The following KIRREL3 variants were observed in gnomAD, a reference collection of about 807,000 sequenced individuals.
KIRREL3 encodes kin of IRRE-like protein 3.
A neutral mutation model predicts 89.7 loss-of-function variants in KIRREL3; 36 were observed. That is an observed-to-expected ratio of 0.40 (90% confidence interval 0.31 to 0.53). KIRREL3 has a LOEUF of 0.53. Among genes scored for constraint, KIRREL3 ranks in the 20% least tolerant of loss-of-function variants. The pLI is 0.49. For synonymous variants in KIRREL3, 445 were observed against 441.4 expected, an observed-to-expected ratio of 1.01 and a Z score of -0.10; for missense variants, 864 against 1,056.6, an observed-to-expected ratio of 0.82 and a Z score of 2.53.
chr11:126,670,029 A>G (rs892308269), intron 1 of KIRREL3, among the ~76,000 whole-genome samples: 15 of 151,954 alleles, frequency 9.9e-5, no homozygotes, highest in African/African-American at 3.6e-4. Context: ...AGCACATTCC[A>G]CACACCAGCA....
At chr11:126,922,122 T>TCTGTCTAA in intron 1 of KIRREL3, among the ~76,000 whole-genome samples, 1 of 29,322 alleles carries the variant, frequency 3.4e-5, no homozygotes, top group African/African-American at 1.1e-4. Flanking sequence ...TATCTGTCTG[T>TCTGTCTAA]CTATCTATCT....
rs562111814 is a variant in KIRREL3 at position 126,943,825 on chromosome 11, C to T, written c.55+56630G>A. On this transcript the variant is annotated intron_variant, in intron 1 of 16. Transcript: ENST00000525144. The surrounding 1 kb of genome is among the most constrained non-coding windows in gnomAD (Gnocchi z 4.2). Reference sequence around the variant, plus strand: ...AATGAGAGAAAACAAAGTGAGGAAACGGCTAATCTCAAGGTTTAGGAGGTG... The same window carrying T: ...AATGAGAGAAAACAAAGTGAGGAAATGGCTAATCTCAAGGTTTAGGAGGTG... 1.6e-4 allele frequency among the ~76,000 whole-genome samples: 25 copies of T among 152,250 alleles called. No homozygotes were observed. Among genetic ancestry groups the T allele is most frequent in the Middle Eastern group, 3.4e-3 (1 of 294 alleles).
rs182061259 is a variant in KIRREL3, at chr11:126,542,016, G to A, written c.134-15329C>T. 1.8e-3 allele frequency among the ~76,000 whole-genome samples: 281 copies of A among 152,324 alleles called. 2 individuals carry two copies. Among genetic ancestry groups the A allele is most frequent in the African/African-American group, 6.4e-3 (268 of 41,574 alleles). Reference sequence around the variant, plus strand: ...GTCCTGCCCTCGGCAGCCCTGCAGCGGGCCCTCAGGACCCTCTGTGCAATG... The same window carrying A: ...GTCCTGCCCTCGGCAGCCCTGCAGCAGGCCCTCAGGACCCTCTGTGCAATG... On this transcript the variant is annotated intron_variant, in intron 2 of 16. Coordinates refer to ENST00000525144, the MANE Select transcript of KIRREL3 (RefSeq NM_032531.4).
intron 10 of KIRREL3, 129 bp from the exon 11 acceptor site, chr11:126,440,678 G>A (rs1955530048): frequency 1.2e-6 from 1 of 829,948 alleles, no homozygotes; most frequent in Non-Finnish European, 2.0e-6. Flanking sequence ...GCCTGTATGT[G>A]CAAGGTAAAG....
At position 126,563,337 on chromosome 11, in the gene KIRREL3, G is replaced by T. The variant is rs1009898825; in HGVS notation, c.56-425C>A. Among the ~76,000 whole-genome samples the T allele has an allele frequency of 2.6e-5, 4 of 152,204 alleles. No individual in the cohort carries two copies. Among genetic ancestry groups the T allele is most frequent in the Non-Finnish European group, 4.4e-5 (3 of 68,040 alleles). On this transcript the variant is annotated intron_variant, in intron 1 of 16. Coordinates refer to ENST00000525144, the MANE Select transcript of KIRREL3 (RefSeq NM_032531.4). This position sits in a 1 kb window ranked among gnomAD's most constrained non-coding sequence, Gnocchi z 6.8. ...TGGGACTGTGGCCAGACCTGCCAGGGATGATGCAGAATCTATCCAGTCGTG... is the reference window on the plus strand; with the variant it reads ...TGGGACTGTGGCCAGACCTGCCAGGTATGATGCAGAATCTATCCAGTCGTG...
At position 126,427,682 on chromosome 11, in the gene KIRREL3, T is replaced by C. The variant is rs1439929279; in HGVS notation, c.1806+1497A>G. Reference sequence around the variant, plus strand: ...GGAGCCCTGATGGCACACCAGGAAGTTGGGCTTTGTCCAGCAGATGTGGGG... The same window carrying C: ...GGAGCCCTGATGGCACACCAGGAAGCTGGGCTTTGTCCAGCAGATGTGGGG... On this transcript the variant is annotated intron_variant, in intron 15 of 16. Coordinates refer to ENST00000525144, the MANE Select transcript of KIRREL3 (RefSeq NM_032531.4). This position sits in a 1 kb window ranked among gnomAD's most constrained non-coding sequence, Gnocchi z 5.3. Among the ~76,000 whole-genome samples, 6 of 152,146 alleles carry C rather than the reference T, an allele frequency of 3.9e-5. No individual in the cohort carries two copies. In the East Asian group the frequency reaches 1.2e-3, roughly 29 times the overall value.
rs1418223531 is a variant in KIRREL3 at position 126,513,697 on chromosome 11, C to A, written c.433+7618G>T. Among the ~76,000 whole-genome samples the A allele has an allele frequency of 6.6e-6, 1 of 152,130 alleles. No homozygotes were observed. Among genetic ancestry groups the A allele is most frequent in the Admixed American group, 6.5e-5 (1 of 15,280 alleles). ...GGCCATGCCTGCCCATGGTAACATGCAGATTATGGGGGCAGGGAGATTGTG... is the reference window on the plus strand; with the variant it reads ...GGCCATGCCTGCCCATGGTAACATGAAGATTATGGGGGCAGGGAGATTGTG... On this transcript the variant is annotated intron_variant, in intron 4 of 16. Coordinates refer to ENST00000525144, the MANE Select transcript of KIRREL3 (RefSeq NM_032531.4). This position sits in a 1 kb window ranked among gnomAD's most constrained non-coding sequence, Gnocchi z 5.9.
intron 1 of KIRREL3, among the ~76,000 whole-genome samples, chr11:126,972,663 T>C (rs1189963236): frequency 6.6e-6 from 1 of 152,176 alleles, no homozygotes; most frequent in African/African-American, 2.4e-5. Flanking sequence ...CAATGTTGTT[T>C]TCCATTTAAA....
At chr11:126,549,226 A>G (rs1591718222) in intron 2 of KIRREL3, 1 of 152,290 alleles carries the variant, frequency 6.6e-6, no homozygotes, top group African/African-American at 2.4e-5. Flanking sequence ...ATATAAATGG[A>G]CTTGATTTGG....
chr11:126,951,585 G>A (rs1323407083), intron 1 of KIRREL3, among the ~76,000 whole-genome samples: 1 of 152,212 alleles, frequency 6.6e-6, no homozygotes, highest in East Asian at 1.9e-4. Flanking sequence ...AGAATTTATT[G>A]TGTCAGGGGG....
chr11:126,871,128 A>T (rs115364252), intron 1 of KIRREL3, among the ~76,000 whole-genome samples: 1 of 152,204 alleles, frequency 6.6e-6, no homozygotes, highest in Non-Finnish European at 1.5e-5. Context: ...TCATCCCTCA[A>T]ACAGCGGTGT....
chr11:126,716,160 A>T (rs941507913), intron 1 of KIRREL3, among the ~76,000 whole-genome samples: 2 of 152,022 alleles, frequency 1.3e-5, no homozygotes, highest in Non-Finnish European at 2.9e-5. Context: ...GGGAGCTATG[A>T]AAGAAAGAGT....
chr11:126,878,258 A>T (rs987521338), intron 1 of KIRREL3, among the ~76,000 whole-genome samples: 1 of 152,226 alleles, frequency 6.6e-6, no homozygotes, highest in Non-Finnish European at 1.5e-5. Context: ...GTGGAGAGTT[A>T]AAAGTCCCCT....
intron 1 of KIRREL3, among the ~76,000 whole-genome samples, chr11:126,963,929 T>C (rs570961979): frequency 4.6e-5 from 7 of 152,298 alleles, no homozygotes; most frequent in African/African-American, 7.2e-5. Context: ...CACCTGCACT[T>C]GTCCATAACG....
chr11:126,894,818 G>A (rs995485599), intron 1 of KIRREL3, among the ~76,000 whole-genome samples: 1 of 152,088 alleles, frequency 6.6e-6, no homozygotes, highest in African/African-American at 2.4e-5. Context: ...GGAATAGTGG[G>A]CCTGATCTAT....
At chr11:126,680,585 C>G (rs1285164308) in intron 1 of KIRREL3, among the ~76,000 whole-genome samples, 1 of 152,030 alleles carries the variant, frequency 6.6e-6, no homozygotes, top group African/African-American at 2.4e-5. Context: ...TAAACATATG[C>G]AAGGACTGGG....
chr11:126,667,162 C>A (rs1211869105), intron 1 of KIRREL3, among the ~76,000 whole-genome samples: 2 of 152,156 alleles, frequency 1.3e-5, no homozygotes, highest in Admixed American at 1.3e-4. Flanking sequence ...TCAAGAGTTA[C>A]AGGAAATAAA....
At position 126,844,004 on chromosome 11, in the gene KIRREL3, T is replaced by C. The variant is rs1944050527; in HGVS notation, c.55+156451A>G. ...TGCTGTCTATGGAGTAGCCATTCTT[T>C]TGTTCCTTTACTTTCTTAATAAACT... On this transcript the variant is annotated intron_variant, in intron 1 of 16. Coordinates refer to ENST00000525144, the MANE Select transcript of KIRREL3 (RefSeq NM_032531.4). The surrounding 1 kb of genome is among the most constrained non-coding windows in gnomAD (Gnocchi z 4.8). 6.6e-6 allele frequency among the ~76,000 whole-genome samples: 1 copy of C among 152,168 alleles called. No homozygotes were observed. The highest frequency in any genetic ancestry group is 2.4e-5 in the African/African-American group (1 of 41,446).
At chr11:126,973,989 C>T (rs1456851877) in intron 1 of KIRREL3, among the ~76,000 whole-genome samples, 1 of 152,132 alleles carries the variant, frequency 6.6e-6, no homozygotes, top group Non-Finnish European at 1.5e-5. Flanking sequence ...GACTAGGGCT[C>T]ATGTTTTCTT....
Sources: gnomAD v4.1 joint callset for allele counts (sites outside exome capture counted in the v4.1 genomes callset) on GRCh38, gnomAD v4.1.1 for gene constraint, Gnocchi (gnomAD v3.1) non-coding constraint, MANE v1.5 for transcripts, NCBI Gene and HGNC (gene_info 2026-07-23, HGNC 2026-07-21) for gene names.